Variants in PABPC4L observed in about 807,000 individuals in gnomAD.
PABPC4L encodes polyadenylate-binding protein 4-like.
For synonymous variants in PABPC4L, 169 were observed against 164.1 expected, an observed-to-expected ratio of 1.03 and a Z score of -0.23; for missense variants, 452 against 451.4, an observed-to-expected ratio of 1.00 and a Z score of -0.01.
chr4:134,139,084 C>T, the PABPC4L span, among the ~76,000 whole-genome samples: 1 of 151,932 alleles, frequency 6.6e-6, no homozygotes, highest in Non-Finnish European at 1.5e-5. Flanking sequence ...AGTGACTCAA[C>T]ACAAAGGCTC....
the PABPC4L span, among the ~76,000 whole-genome samples, chr4:134,118,113 T>C: frequency 6.6e-6 from 1 of 151,808 alleles, no homozygotes; most frequent in Non-Finnish European, 1.5e-5. Context: ...CTGCTTTCTC[T>C]GCCATGAGTA....
At chr4:134,032,871 T>C in the PABPC4L span, among the ~76,000 whole-genome samples, 2 of 151,908 alleles carry the variant, frequency 1.3e-5, no homozygotes, top group African/African-American at 2.4e-5. Context: ...GTTTTTATGC[T>C]GTGACCATTA....
the PABPC4L span, among the ~76,000 whole-genome samples, chr4:134,118,899 A>G: frequency 6.6e-6 from 1 of 151,820 alleles, no homozygotes; most frequent in Admixed American, 6.6e-5. Flanking sequence ...GTTAAAGGAA[A>G]TTTTATAAAG....
chr4:134,044,290 G>A, the PABPC4L span, among the ~76,000 whole-genome samples: 1 of 151,858 alleles, frequency 6.6e-6, no homozygotes, highest in Non-Finnish European at 1.5e-5. Context: ...TTTTGAGAGA[G>A]TCTCACTCTG....
the PABPC4L span, among the ~76,000 whole-genome samples, chr4:133,964,121 A>G: frequency 6.6e-6 from 1 of 152,154 alleles, no homozygotes; most frequent in East Asian, 1.9e-4. Flanking sequence ...TAACCTCAAT[A>G]AGAAACAAAT....
the PABPC4L span, among the ~76,000 whole-genome samples, chr4:134,075,651 A>T: frequency 6.6e-6 from 1 of 152,274 alleles, no homozygotes; most frequent in African/African-American, 2.4e-5. Context: ...ACTTTCAAAA[A>T]ATAAAACTCT....
the PABPC4L span, among the ~76,000 whole-genome samples, chr4:134,046,786 T>C: frequency 4.8e-4 from 73 of 152,334 alleles, 1 homozygote; most frequent in Admixed American, 1.9e-3. Flanking sequence ...ACAAGGCACA[T>C]CCTGCACAGC....
At chr4:134,037,996 C>A in the PABPC4L span, among the ~76,000 whole-genome samples, 1 of 152,092 alleles carries the variant, frequency 6.6e-6, no homozygotes, top group Non-Finnish European at 1.5e-5. Context: ...AGATACGTTT[C>A]ATCAATACTT....
chr4:134,020,996 G>A, the PABPC4L span, among the ~76,000 whole-genome samples: 1 of 152,012 alleles, frequency 6.6e-6, no homozygotes, highest in African/African-American at 2.4e-5. Context: ...ACAAAATAAA[G>A]TGAAAAGCTT....
the PABPC4L span, among the ~76,000 whole-genome samples, chr4:134,057,977 T>C: frequency 6.6e-6 from 1 of 152,172 alleles, no homozygotes; most frequent in East Asian, 1.9e-4. Flanking sequence ...CAGTATTTCA[T>C]TCTTTATAAT....
the PABPC4L span, among the ~76,000 whole-genome samples, chr4:134,036,181 C>A: frequency 1.3e-5 from 2 of 152,016 alleles, no homozygotes; most frequent in African/African-American, 4.8e-5. Context: ...AATGTGCTTT[C>A]CAACAGTCAG....
the PABPC4L span, among the ~76,000 whole-genome samples, chr4:133,961,844 T>C: frequency 1.3e-5 from 2 of 152,158 alleles, no homozygotes; most frequent in African/African-American, 4.8e-5. Flanking sequence ...GGCTAGAGGC[T>C]CACCATTGTT....
the PABPC4L span, among the ~76,000 whole-genome samples, chr4:134,168,649 C>T: frequency 8.4e-4 from 127 of 151,556 alleles, no homozygotes; most frequent in African/African-American, 2.9e-3. Flanking sequence ...AACTATATGC[C>T]AATAAATTAA....
the PABPC4L span, among the ~76,000 whole-genome samples, chr4:134,085,132 A>C: frequency 6.6e-6 from 1 of 152,034 alleles, no homozygotes. Flanking sequence ...AGAAAGGTTG[A>C]GCTTCATGTG....
chr4:133,979,293 G>A, the PABPC4L span, among the ~76,000 whole-genome samples: 1 of 152,120 alleles, frequency 6.6e-6, no homozygotes, highest in African/African-American at 2.4e-5. Flanking sequence ...CAGCAGAACT[G>A]TTTTTCTGAA....
chr4:134,159,718 G>A, the PABPC4L span, among the ~76,000 whole-genome samples: 2 of 152,104 alleles, frequency 1.3e-5, no homozygotes. Flanking sequence ...CACAGAGACT[G>A]CAGTCCCTGG....
In PABPC4L at chr4:134,199,692, T is replaced by C. The variant is rs889899424; in HGVS notation, c.*215A>G. 9.2e-5 allele frequency: 50 copies of C among 544,420 alleles called. No homozygotes were observed. The highest frequency in any genetic ancestry group is 4.8e-4 in the Middle Eastern group (1 of 2,078). The allele number at this position is 544,420 out of a possible 1,614,324, so 33.7% of individuals were successfully genotyped here. ...ATAAGAAAAATGTGCAATATTAAAA[T>C]TAGAAAATGTGCCTCTGTAAAATGA... On this transcript the variant is annotated 3_prime_UTR_variant, in exon 2 of 2. Coordinates refer to ENST00000421491, the MANE Select transcript of PABPC4L (RefSeq NM_001114734.2).
At chr4:134,027,269 T>TGATGGCAG in the PABPC4L span, among the ~76,000 whole-genome samples, 5 of 151,966 alleles carry the variant, frequency 3.3e-5, no homozygotes, top group South Asian at 2.1e-4. Context: ...TGCAATCCTG[T>TGATGGCAG]GATGGCAGGA....
chr4:134,026,024 C>A, the PABPC4L span, among the ~76,000 whole-genome samples: 16 of 152,134 alleles, frequency 1.1e-4, no homozygotes, highest in Middle Eastern at 3.4e-3. Context: ...ATGCCAATGG[C>A]AATATTTTAA....
Sources: gnomAD v4.1 joint callset for allele counts (sites outside exome capture counted in the v4.1 genomes callset) on GRCh38, gnomAD v4.1.1 for gene constraint, MANE v1.5 for transcripts, NCBI Gene and HGNC (gene_info 2026-07-23, HGNC 2026-07-21) for gene names.